The following DLC1 variants were observed in gnomAD, a reference collection of about 807,000 sequenced individuals.
The protein encoded by DLC1 is rho GTPase-activating protein 7.
DLC1 carries 54 observed loss-of-function variants against 140.3 expected under a neutral mutation model. The observed-to-expected ratio is 0.38, with a 90% CI of 0.31 to 0.48. The LOEUF is 0.48. Ranked by LOEUF, DLC1 falls within the 20% of genes least tolerant of loss-of-function variation. The probability of loss-of-function intolerance (pLI) is 0.96; values close to 1 mark genes in which losing one functional copy is unlikely to be tolerated. For synonymous variants in DLC1, 986 were observed against 728.1 expected, an observed-to-expected ratio of 1.35 and a Z score of -5.70; for missense variants, 2,536 against 1,907.0, an observed-to-expected ratio of 1.33 and a Z score of -6.14.
intron 1 of DLC1, among the ~76,000 whole-genome samples, chr8:13,592,738 A>C (rs1046075516): frequency 7.9e-5 from 12 of 152,068 alleles, no homozygotes; most frequent in Non-Finnish European, 1.6e-4. Context: ...TCAGCAGAGG[A>C]CACTACTGCC....
At chr8:13,413,508 A>G (rs968563551) in intron 2 of DLC1, among the ~76,000 whole-genome samples, 14 of 151,860 alleles carry the variant, frequency 9.2e-5, no homozygotes, top group Non-Finnish European at 1.3e-4. Context: ...ACATATATAT[A>G]TATATACACG....
At chr8:13,224,199 T>C (rs1828683604) in intron 5 of DLC1, among the ~76,000 whole-genome samples, 1 of 152,204 alleles carries the variant, frequency 6.6e-6, no homozygotes, top group South Asian at 2.1e-4. Flanking sequence ...CTGAAATTCT[T>C]TTGGGAAAAA....
intron 2 of DLC1, among the ~76,000 whole-genome samples, chr8:13,493,685 C>G (rs897444033): frequency 6.6e-6 from 1 of 152,082 alleles, no homozygotes; most frequent in African/African-American, 2.4e-5. Flanking sequence ...ACATTGTAAA[C>G]TTATTTTCTA....
chr8:13,349,878 G>A (rs560989829), intron 4 of DLC1, among the ~76,000 whole-genome samples: 2 of 152,304 alleles, frequency 1.3e-5, no homozygotes, highest in South Asian at 2.1e-4. Context: ...TATGGGTTTG[G>A]AGGTGAATGT....
At chr8:13,520,731 G>C (rs911487331) in intron 1 of DLC1, among the ~76,000 whole-genome samples, 1 of 152,036 alleles carries the variant, frequency 6.6e-6, no homozygotes, top group African/African-American at 2.4e-5. Flanking sequence ...GTAGGGCTAG[G>C]GTACCATCAG....
intron 5 of DLC1, among the ~76,000 whole-genome samples, chr8:13,202,007 G>A (rs569364806): frequency 1.3e-3 from 185 of 147,874 alleles, no homozygotes; most frequent in African/African-American, 4.3e-3. Context: ...GTGCAGTGGT[G>A]CGATCTCGGC....
intron 2 of DLC1, among the ~76,000 whole-genome samples, chr8:13,429,135 T>C (rs1160959286): frequency 3.3e-5 from 5 of 152,288 alleles, no homozygotes; most frequent in Admixed American, 6.5e-5. Flanking sequence ...TCAATGGCGT[T>C]TAAGGTGTGG....
At chr8:13,313,588 T>A (rs1048282512) in intron 4 of DLC1, among the ~76,000 whole-genome samples, 2 of 152,164 alleles carry the variant, frequency 1.3e-5, no homozygotes, top group Non-Finnish European at 2.9e-5. Context: ...GAACTATTCC[T>A]ACTGTGGTAT....
intron 5 of DLC1, among the ~76,000 whole-genome samples, chr8:13,267,452 G>A (rs1830732370): frequency 6.6e-6 from 1 of 151,890 alleles, no homozygotes. Flanking sequence ...ACAACATCCT[G>A]CTATTCAAAA....
Position 13,358,548 on chromosome 8 carries a change from A to C in DLC1, c.1314+35005T>G, listed in dbSNP as rs572095787. Among the ~76,000 whole-genome samples, 3 of 151,884 alleles carry C rather than the reference A, an allele frequency of 2.0e-5. No homozygotes were observed. In the South Asian group the frequency reaches 6.2e-4, roughly 31 times the overall value. ...AGTCTACAGTAGGGGAAGGAAATGT[A>C]AGAAAAGTTTTTTTTTCTTTTAAAA... On this transcript the variant is annotated intron_variant, in intron 4 of 17. Coordinates refer to ENST00000276297, the MANE Select transcript of DLC1 (RefSeq NM_182643.3).
chr8:13,232,270 TCA>T (rs1349276514), intron 5 of DLC1, among the ~76,000 whole-genome samples: 4 of 152,132 alleles, frequency 2.6e-5, no homozygotes, highest in Non-Finnish European at 4.4e-5. Flanking sequence ...CCACAGTCGC[TCA>T]CACACACAGG....
chr8:13,502,030 T>C (rs1036553384), intron 1 of DLC1, among the ~76,000 whole-genome samples: 11 of 152,358 alleles, frequency 7.2e-5, no homozygotes, highest in South Asian at 2.1e-4. Flanking sequence ...GCCACATTTA[T>C]ATTTTAAGTT....
intron 4 of DLC1, among the ~76,000 whole-genome samples, chr8:13,390,984 CA>C (rs1430798740): frequency 3.5e-4 from 25 of 71,088 alleles, no homozygotes; most frequent in African/African-American, 1.1e-3. Flanking sequence ...GACTCCGTCT[CA>C]AAAAAAAAAA....
chr8:13,129,932 C>G (rs928207948), intron 5 of DLC1, among the ~76,000 whole-genome samples: 1 of 152,072 alleles, frequency 6.6e-6, no homozygotes, highest in Non-Finnish European at 1.5e-5. Flanking sequence ...TTTGCATGGC[C>G]TCATTTCCGT....
chr8:13,538,058 TA>T (rs969651186), intron 1 of DLC1, among the ~76,000 whole-genome samples: 3 of 152,314 alleles, frequency 2.0e-5, no homozygotes, highest in African/African-American at 2.4e-5. Flanking sequence ...GAAGTAATAA[TA>T]AAAATAATTA....
rs570116328 is a variant in DLC1, at chr8:13,209,606, G to T, written c.1349-93949C>A. Among the ~76,000 whole-genome samples the T allele has an allele frequency of 6.6e-5, 10 of 152,254 alleles. No individual in the cohort carries two copies. The East Asian group carries it at 1.7e-3, about 26-fold the overall frequency. On this transcript the variant is annotated intron_variant, in intron 5 of 17. Coordinates refer to ENST00000276297, the MANE Select transcript of DLC1 (RefSeq NM_182643.3). Reference sequence around the variant, plus strand: ...CTCAGTGTTGGAGGTGGGACCTGGTGGAGTGTTCGGGTCTTGGGGGTGGAT... The same window carrying T: ...CTCAGTGTTGGAGGTGGGACCTGGTTGAGTGTTCGGGTCTTGGGGGTGGAT...
At chr8:13,132,961 T>C in intron 5 of DLC1, 1 of 1,611,070 alleles carries the variant, frequency 6.2e-7, no homozygotes, top group Non-Finnish European at 8.5e-7. Context: ...GATCATGGTG[T>C]CCGGCTTCTT....
chr8:13,357,251 A>G (rs561644741), intron 4 of DLC1, among the ~76,000 whole-genome samples: 53 of 152,184 alleles, frequency 3.5e-4, no homozygotes, highest in African/African-American at 1.2e-3. Flanking sequence ...AGCCTGGGCA[A>G]CAGAGTGAGA....
At chr8:13,519,840 G>C (rs1020929165), upstream of DLC1, among the ~76,000 whole-genome samples, 6 of 152,178 alleles carry the variant, frequency 3.9e-5, no homozygotes, top group African/African-American at 1.4e-4. Flanking sequence ...CTCAAAAGAA[G>C]ACGTTTATGT....
Sources: allele counts gnomAD v4.1 joint callset (sites outside exome capture counted in the v4.1 genomes callset), GRCh38; gene constraint gnomAD v4.1.1; transcripts MANE v1.5; gene names NCBI Gene and HGNC (gene_info 2026-07-23, HGNC 2026-07-21).